UQCC2: variants seen among roughly 807,000 people sequenced by gnomAD.
UQCC2 encodes ubiquinol-cytochrome c reductase complex assembly factor 2.
Under a neutral mutation model 19.9 loss-of-function variants are expected in UQCC2, and 21 were observed. The ratio of observed to expected loss-of-function variants is 1.05; its 90% confidence interval spans 0.75 to 1.52. The LOEUF is 1.52. Ranked by LOEUF, UQCC2 falls within the 40% of genes most tolerant of loss-of-function variation. The probability of loss-of-function intolerance (pLI) is 0.00; values close to 1 mark genes in which losing one functional copy is unlikely to be tolerated. For missense variants in UQCC2, 135 were observed against 157.5 expected, an observed-to-expected ratio of 0.86 and a Z score of 0.76; for synonymous variants, 57 against 60.9, an observed-to-expected ratio of 0.94 and a Z score of 0.30.
At chr6:33,707,193 G>A (rs1461428098) in intron 1 of UQCC2, among the ~76,000 whole-genome samples, 1 of 152,230 alleles carries the variant, frequency 6.6e-6, no homozygotes, top group African/African-American at 2.4e-5. Context: ...GAGAAAAAAA[G>A]ATGGAGATGT....
At chr6:33,698,485 G>A (rs545071566) in intron 3 of UQCC2, 2 of 152,142 alleles carry the variant, frequency 1.3e-5, no homozygotes, top group African/African-American at 4.8e-5. Context: ...TTAAAGAAAA[G>A]CATGGAGGTA....
At position 33,703,296 on chromosome 6, in the gene UQCC2, T is replaced by C. The variant is rs187154238; in HGVS notation, c.139-1876A>G. On this transcript the variant is annotated intron_variant, in intron 1 of 3. Transcript: ENST00000607484. Reference sequence around the variant, plus strand: ...CTCCTGCTTCAGCCTCCCAAGTAGCTGGGATTACAGGTACCCACCACTACG... The same window carrying C: ...CTCCTGCTTCAGCCTCCCAAGTAGCCGGGATTACAGGTACCCACCACTACG... Among the ~76,000 whole-genome samples, 28 of 151,430 alleles carry C rather than the reference T, an allele frequency of 1.8e-4. No homozygotes were observed. The East Asian group carries it at 5.5e-3, about 30-fold the overall frequency.
chr6:33,709,046 T>C (rs550786472), intron 1 of UQCC2, among the ~76,000 whole-genome samples: 16 of 152,292 alleles, frequency 1.1e-4, no homozygotes, highest in South Asian at 6.2e-4. Flanking sequence ...TCAGAAACGA[T>C]TGCCCTAGGT....
At chr6:33,710,649 C>A (rs146484120) in intron 1 of UQCC2, among the ~76,000 whole-genome samples, 148 of 152,350 alleles carry the variant, frequency 9.7e-4, no homozygotes, top group African/African-American at 3.1e-3. Context: ...TCACGCTACC[C>A]TATTTTCTAT....
In UQCC2 at chr6:33,711,532, G is replaced by A. The variant is rs1223818290; in HGVS notation, c.138+17C>T. On this transcript the variant is annotated intron_variant, in intron 1 of 3. Coordinates refer to ENST00000607484, the MANE Select transcript of UQCC2 (RefSeq NM_032340.4). ...GTCCTTTCCTCCCCTCGTCCCAGCC[G>A]CCTCCCCGCCGGTCACCTGGGTATT... is the stretch of plus-strand genomic sequence containing the variant. 2 of 1,586,638 alleles carry A rather than the reference G, an allele frequency of 1.3e-6. No homozygotes were observed. The highest frequency in any genetic ancestry group is 1.8e-5 in the Admixed American group (1 of 54,602).
intron 2 of UQCC2, among the ~76,000 whole-genome samples, chr6:33,701,131 T>A (rs372342518): frequency 1.4e-4 from 22 of 152,346 alleles, no homozygotes; most frequent in African/African-American, 4.8e-4. Flanking sequence ...TAATTGGTTT[T>A]GTTTCTTCCC....
chr6:33,701,074 A>G (rs1765634070), intron 2 of UQCC2, among the ~76,000 whole-genome samples: 1 of 152,214 alleles, frequency 6.6e-6, no homozygotes, highest in African/African-American at 2.4e-5. Flanking sequence ...GCTGTCAGAC[A>G]TTCCCAGGAG....
chr6:33,700,516 G>T lies in UQCC2; in HGVS notation c.214-3C>A, dbSNP rs587777410. The T allele has an allele frequency of 6.2e-7, 1 of 1,614,108 alleles. No individual in the cohort carries two copies. The highest frequency in any genetic ancestry group is 2.2e-5 in the East Asian group (1 of 44,870). ...CTGGTGTCTCTGGGGCGAGGGTACT[G>T]GTCACCGGGGCAGAAAGGAAGTGAA... On this transcript the variant is annotated splice_region_variant and splice_polypyrimidine_tract_variant and intron_variant, in intron 2 of 3. Coordinates refer to ENST00000607484, the MANE Select transcript of UQCC2 (RefSeq NM_032340.4).
At position 33,697,610 on chromosome 6, in the gene UQCC2, C is replaced by T. The variant is rs1652057147; in HGVS notation, c.*43G>A. ...CAGTTTTATTGACGATGGCAATGTA[C>T]AAGACTCCACACCTAGGTATGTGCA... On this transcript the variant is annotated 3_prime_UTR_variant, in exon 4 of 4. Coordinates refer to ENST00000607484, the MANE Select transcript of UQCC2 (RefSeq NM_032340.4). 2.7e-6 allele frequency: 4 copies of T among 1,489,696 alleles called. No individual in the cohort carries two copies. The South Asian group carries it at 4.8e-5, about 18-fold the overall frequency. The allele number at this position is 1,489,696 out of a possible 1,614,324, so 92.3% of individuals were successfully genotyped here.
At chr6:33,709,014 A>T (rs1303916897) in intron 1 of UQCC2, among the ~76,000 whole-genome samples, 1 of 152,156 alleles carries the variant, frequency 6.6e-6, no homozygotes, top group East Asian at 1.9e-4. Flanking sequence ...TGGGACTCAA[A>T]CCTGTGTGGG....
chr6:33,697,597 C>T lies in UQCC2; in HGVS notation c.*56G>A, dbSNP rs936856016. ...GGGGAAACTGGGGCAGTTTTATTGA[C>T]GATGGCAATGTACAAGACTCCACAC... On this transcript the variant is annotated 3_prime_UTR_variant, in exon 4 of 4. Transcript: ENST00000607484. 26 of 1,365,262 alleles carry T rather than the reference C, an allele frequency of 1.9e-5. No individual in the cohort carries two copies. Among genetic ancestry groups the T allele is most frequent in the African/African-American group, 8.8e-5 (6 of 68,060 alleles). 84.6% of individuals were successfully genotyped at this position (1,365,262 alleles called of 1,614,324 possible).
At chr6:33,704,122 T>C (rs988223235) in intron 1 of UQCC2, among the ~76,000 whole-genome samples, 2 of 152,248 alleles carry the variant, frequency 1.3e-5, no homozygotes, top group Non-Finnish European at 2.9e-5. Context: ...GGAACGCCGA[T>C]AAATGTGAGC....
At position 33,704,257 on chromosome 6, in the gene UQCC2, G is replaced by A. The variant is rs115341559; in HGVS notation, c.139-2837C>T. On this transcript the variant is annotated intron_variant, in intron 1 of 3. Coordinates refer to ENST00000607484, the MANE Select transcript of UQCC2 (RefSeq NM_032340.4). Reference sequence around the variant, plus strand: ...ACCCTGGTGGGAGTGGAATGAAGGGGCATGTACAAGGTGCTATGGGCCTAT... The same window carrying A: ...ACCCTGGTGGGAGTGGAATGAAGGGACATGTACAAGGTGCTATGGGCCTAT... 1.3e-3 allele frequency among the ~76,000 whole-genome samples: 203 copies of A among 152,342 alleles called. 1 individual carries two copies. The highest frequency in any genetic ancestry group is 4.6e-3 in the African/African-American group (193 of 41,578).
At chr6:33,698,069 G>A (rs761607819) in intron 3 of UQCC2, 13 of 286,970 alleles carry the variant, frequency 4.5e-5, no homozygotes, top group Non-Finnish European at 6.6e-5. Context: ...ATGGCCCTGC[G>A]CTGTCCGCTG....
chr6:33,710,279 C>G (rs1039723480), intron 1 of UQCC2, among the ~76,000 whole-genome samples: 5 of 152,188 alleles, frequency 3.3e-5, no homozygotes, highest in African/African-American at 9.7e-5. Flanking sequence ...CCACTCACCA[C>G]ATACAACCAG....
At chr6:33,705,995 T>C (rs1765693820) in intron 1 of UQCC2, among the ~76,000 whole-genome samples, 1 of 152,202 alleles carries the variant, frequency 6.6e-6, no homozygotes, top group Non-Finnish European at 1.5e-5. Context: ...TTTTTGCTCC[T>C]TTTGCATTTC....
At chr6:33,711,258 C>A (rs1011166837) in intron 1 of UQCC2, among the ~76,000 whole-genome samples, 2 of 152,194 alleles carry the variant, frequency 1.3e-5, no homozygotes, top group African/African-American at 2.4e-5. Flanking sequence ...GCGATCCTCC[C>A]GCCTCGGCCT....
At chr6:33,700,706 T>C (rs977035042) in intron 2 of UQCC2, among the ~76,000 whole-genome samples, 193 bp from the exon 3 acceptor site, 30 of 152,180 alleles carry the variant, frequency 2.0e-4, no homozygotes, top group African/African-American at 7.0e-4. Flanking sequence ...CAGCTCCAAC[T>C]ATAATGTACC....
rs557708870 is a variant in UQCC2, at chr6:33,696,889, G to C, written c.*764C>G. 1 of 152,430 alleles carries C rather than the reference G, an allele frequency of 6.6e-6. No homozygotes were observed. Among genetic ancestry groups the C allele is most frequent in the East Asian group, 1.9e-4 (1 of 5,194 alleles). 9.4% of individuals were successfully genotyped at this position (152,430 alleles called of 1,614,324 possible). On this transcript the variant is annotated 3_prime_UTR_variant, in exon 4 of 4. Coordinates refer to ENST00000607484, the MANE Select transcript of UQCC2 (RefSeq NM_032340.4). ...CCAGGGCCGCTGTGGGCCCAGCCCT[G>C]TCCCTCACGGTTCCAGAGAGAAGGA...
Sources: gnomAD v4.1 joint callset for allele counts (sites outside exome capture counted in the v4.1 genomes callset) on GRCh38, gnomAD v4.1.1 for gene constraint, MANE v1.5 for transcripts, NCBI Gene and HGNC (gene_info 2026-07-23, HGNC 2026-07-21) for gene names.